The following STT3A variants were observed in gnomAD, a reference collection of about 807,000 sequenced individuals.
STT3A encodes dolichyl-diphosphooligosaccharide--protein glycosyltransferase subunit STT3A.
Under a neutral mutation model 89.2 loss-of-function variants are expected in STT3A, and 34 were observed. That is an observed-to-expected ratio of 0.38 (90% CI 0.29 to 0.51). STT3A has a LOEUF of 0.51. STT3A is among the 20% of genes least tolerant of loss of function. The probability of loss-of-function intolerance (pLI) is 0.89; values close to 1 mark genes in which losing one functional copy is unlikely to be tolerated. For synonymous variants in STT3A, 282 were observed against 310.3 expected, an observed-to-expected ratio of 0.91 and a Z score of 0.96; for missense variants, 555 against 889.5, an observed-to-expected ratio of 0.62 and a Z score of 4.78.
intron 6 of STT3A, among the ~76,000 whole-genome samples, chr11:125,604,965 G>T (rs1245411411): frequency 6.6e-6 from 1 of 152,120 alleles, no homozygotes; most frequent in African/African-American, 2.4e-5. Flanking sequence ...AGCTGGGCAT[G>T]GTAGTGTGCG....
Position 125,614,538 on chromosome 11 carries a change from A to G in STT3A, c.1774+112A>G, listed in dbSNP as rs1940119669. On this transcript the variant is annotated intron_variant, in intron 15 of 17. Transcript: ENST00000392708. This position sits in a 1 kb window ranked among gnomAD's most constrained non-coding sequence, Gnocchi z 4.9. ...TATTTTACTAAGATATTTTTCTTTC[A>G]TGGGAAGTTCCTAAGTATTTGCAAC... 9.1e-7 allele frequency: 1 copy of G among 1,102,896 alleles called. No homozygotes were observed. Among genetic ancestry groups the G allele is most frequent in the Non-Finnish European group, 1.3e-6 (1 of 775,344 alleles). The allele number at this position is 1,102,896 out of a possible 1,614,324, so 68.3% of individuals were successfully genotyped here.
chr11:125,609,737 A>T (rs923240544), intron 10 of STT3A, 148 bp downstream of exon 10: 18 of 886,466 alleles, frequency 2.0e-5, no homozygotes, highest in Non-Finnish European at 2.9e-5. Flanking sequence ...TTTCTCATGT[A>T]TGAAGCTGAG....
chr11:125,600,208 G>A (rs1185000318), intron 3 of STT3A, among the ~76,000 whole-genome samples: 2 of 151,708 alleles, frequency 1.3e-5, no homozygotes, highest in Non-Finnish European at 2.9e-5. Context: ...GCGCCACCAC[G>A]CCTGGCTAAT....
At chr11:125,605,097 TTTG>T (rs564678771) in intron 6 of STT3A, among the ~76,000 whole-genome samples, 6 of 144,802 alleles carry the variant, frequency 4.1e-5, no homozygotes, top group South Asian at 2.3e-4. Flanking sequence ...AGACCCTGTT[TTTG>T]TTGTTGTTGT....
intron 2 of STT3A, 23 bp downstream of exon 2, chr11:125,596,026 C>T (rs1939485062): frequency 1.3e-6 from 2 of 1,548,694 alleles, no homozygotes; most frequent in East Asian, 2.3e-5. Flanking sequence ...GTGAACCTCT[C>T]TTTCTTTGGG....
At chr11:125,609,765 A>G (rs1335606548) in intron 10 of STT3A, 176 bp downstream of exon 10, 2 of 604,154 alleles carry the variant, frequency 3.3e-6, no homozygotes, top group Non-Finnish European at 5.3e-6. Flanking sequence ...CAGAAGTTCA[A>G]CAGTTGTAGA....
chr11:125,607,966 T>C, intron 8 of STT3A, 143 bp from the exon 9 acceptor site: 4 of 753,732 alleles, frequency 5.3e-6, no homozygotes, highest in Admixed American at 2.9e-5. Context: ...AATTAAACCC[T>C]TCCCTAGATT....
At chr11:125,605,872 C>T (rs934379672) in intron 7 of STT3A, 137 bp downstream of exon 7, 3 of 659,656 alleles carry the variant, frequency 4.5e-6, no homozygotes, top group Non-Finnish European at 5.1e-6. Flanking sequence ...TTTTTCTGTT[C>T]ATACTTACGT....
Position 125,595,996 on chromosome 11 carries a change from T to A in STT3A, c.81T>A (p.Ala27=). The change falls in exon 2 of 18, where the codon GCT becomes GCA. Residue 27 remains alanine (A), a synonymous_variant. Transcript: ENST00000392708. The part of the protein sequence containing the change: ...LLKLLILSMA[A]VLSFSTRLFA... ...AGCTTCTCATTCTGTCAATGGCTGCTGTATTATGTGAGTGTGCATGTGAAC... is the reference window on the plus strand; with the variant it reads ...AGCTTCTCATTCTGTCAATGGCTGCAGTATTATGTGAGTGTGCATGTGAAC... 1 of 1,611,884 alleles carries A rather than the reference T, an allele frequency of 6.2e-7. No individual in the cohort carries two copies. Among genetic ancestry groups the A allele is most frequent in the South Asian group, 1.1e-5 (1 of 90,800 alleles).
Position 125,618,383 on chromosome 11 carries a change from G to A in STT3A, c.1785G>A (p.Lys595=), listed in dbSNP as rs1233335638. Residue 595 remains lysine (K), a synonymous_variant, in exon 16 of 18, where the codon AAG becomes AAA. Coordinates refer to ENST00000392708, the MANE Select transcript of STT3A (RefSeq NM_152713.5). ...TTTTTTTTCTCCTAGATATCAACAAGTTTCTTTGGATGGTCCGGATTGGAG... is the reference window on the plus strand; with the variant it reads ...TTTTTTTTCTCCTAGATATCAACAAATTTCTTTGGATGGTCCGGATTGGAG... ...LTGYSSDDIN[K]FLWMVRIGGS... is the part of the protein sequence containing the mutation. The A allele has an allele frequency of 3.2e-6, 5 of 1,582,896 alleles. No individual in the cohort carries two copies. Among genetic ancestry groups the A allele is most frequent in the Non-Finnish European group, 4.3e-6 (5 of 1,168,892 alleles).
Position 125,606,442 on chromosome 11 carries a change from C to G in STT3A, c.757C>G (p.Gln253Glu). ...VYCLGTILSM[Q>E]ISFVGFQPVL... The stretch of plus-strand genomic sequence containing the variant: ...CTGCCTGGGCACTATACTTTCTATG[C>G]AGATCTCCTTTGTGGGTTTCCAGGT... Residue 253 changes from glutamine to glutamate, a missense_variant, in exon 8 of 18, where the codon CAG (glutamine) becomes GAG (glutamate). Physicochemically the swap from Gln to Glu is conservative, Grantham distance 29 (BLOSUM62 2). This residue lies in a region of STT3A where 149 missense variants were observed against 206.2 expected (regional missense o/e 0.72). Transcript: ENST00000392708. 6.2e-7 allele frequency: 1 copy of G among 1,613,544 alleles called. No homozygotes were observed. Among genetic ancestry groups the G allele is most frequent in the Non-Finnish European group, 8.5e-7 (1 of 1,179,880 alleles).
intron 1 of STT3A, chr11:125,594,995 T>C (rs1465868834): frequency 6.6e-6 from 1 of 152,156 alleles, no homozygotes; most frequent in East Asian, 1.9e-4. Flanking sequence ...GAGTGCATGA[T>C]TGTACCTGCA....
intron 4 of STT3A, among the ~76,000 whole-genome samples, 181 bp downstream of exon 4, chr11:125,602,605 G>A (rs977986876): frequency 6.6e-6 from 1 of 152,112 alleles, no homozygotes; most frequent in Non-Finnish European, 1.5e-5. Context: ...GAGTGGAGAT[G>A]GGTGGTTTTT....
At position 125,622,976 on chromosome 11, in the gene STT3A, C is replaced by G. The variant is rs1591384610; in HGVS notation, c.*2166C>G. On this transcript the variant is annotated 3_prime_UTR_variant, in exon 18 of 18. Coordinates refer to ENST00000392708, the MANE Select transcript of STT3A (RefSeq NM_152713.5). ...CCTGTAATCTCAGCTACTGGGGAGG[C>G]TGAGGCATGAGAATTGCCCAGGAGG... The G allele has an allele frequency of 6.8e-6, 1 of 147,852 alleles. No homozygotes were observed. Among genetic ancestry groups the G allele is most frequent in the African/African-American group, 2.5e-5 (1 of 39,752 alleles). The allele number at this position is 147,852 out of a possible 1,614,324, so 9.2% of individuals were successfully genotyped here.
intron 3 of STT3A, among the ~76,000 whole-genome samples, chr11:125,600,546 A>T (rs1939642925): frequency 6.7e-6 from 1 of 148,354 alleles, no homozygotes. Context: ...ATTTTTTTTT[A>T]GAAACAGGGT....
intron 12 of STT3A, 67 bp downstream of exon 12, chr11:125,612,814 C>A: frequency 6.4e-7 from 1 of 1,574,396 alleles, no homozygotes; most frequent in South Asian, 1.2e-5. Flanking sequence ...TGTATGTGGG[C>A]AGCGGGGGGT....
chr11:125,599,170 C>G (rs1939593408), intron 3 of STT3A, among the ~76,000 whole-genome samples: 1 of 152,200 alleles, frequency 6.6e-6, no homozygotes, highest in South Asian at 2.1e-4. Context: ...GGACACAATT[C>G]TGACACATAC....
At chr11:125,592,083 C>T (rs997050344), upstream of STT3A, among the ~76,000 whole-genome samples, 1 of 152,158 alleles carries the variant, frequency 6.6e-6, no homozygotes, top group African/African-American at 2.4e-5. Flanking sequence ...GGCTGCCTCC[C>T]GGTCTCCCGA....
At chr11:125,593,915 G>T (rs1313525299) in intron 1 of STT3A, among the ~76,000 whole-genome samples, 1 of 152,088 alleles carries the variant, frequency 6.6e-6, no homozygotes, top group African/African-American at 2.4e-5. Context: ...AAGATTCATG[G>T]AGGAGGATAG....
Sources: allele counts gnomAD v4.1 joint callset (sites outside exome capture counted in the v4.1 genomes callset), GRCh38; gene constraint gnomAD v4.1.1; regional missense constraint gnomAD v4.1.1; non-coding constraint Gnocchi (gnomAD v3.1); transcripts MANE v1.5; gene names NCBI Gene and HGNC (gene_info 2026-07-23, HGNC 2026-07-21).